The following CYBC1 variants were observed in gnomAD, a reference collection of about 807,000 sequenced individuals.
CYBC1 encodes the protein cytochrome b-245 chaperone 1, also known as essential for reactive oxygen species protein.
In CYBC1, 22 loss-of-function variants were observed where a neutral mutation model predicts 21.7. That is an observed-to-expected ratio of 1.02 (90% CI 0.73 to 1.45). The LOEUF (loss-of-function observed/expected upper bound fraction) is 1.45, where lower values mean the gene tolerates loss of function less well. Ranked by LOEUF, CYBC1 falls within the 40% of genes most tolerant of loss-of-function variation. The pLI is 0.00. For synonymous variants in CYBC1, 112 were observed against 98.7 expected, an observed-to-expected ratio of 1.13 and a Z score of -0.80; for missense variants, 237 against 242.1, an observed-to-expected ratio of 0.98 and a Z score of 0.14.
rs527298762 is a variant in CYBC1 at position 82,449,504 on chromosome 17, G to T, written c.-38-212C>A. 7.9e-4 allele frequency: 320 copies of T among 406,564 alleles called. 1 individual carries two copies. The highest frequency in any genetic ancestry group is 1.2e-3 in the Non-Finnish European group (270 of 230,260). 25.2% of individuals were successfully genotyped at this position (406,564 alleles called of 1,614,324 possible). On this transcript the variant is annotated intron_variant, in intron 1 of 6. Coordinates refer to ENST00000306645, the MANE Select transcript of CYBC1 (RefSeq NM_001033046.4). The stretch of plus-strand genomic sequence containing the variant: ...TCCTGTGTAAGGAAGGCCCTTTTCC[G>T]TTCACAGCGACACCGACTGCGCGGG...
chr17:82,444,160 A>T, intron 6 of CYBC1, 36 bp from the exon 7 acceptor site: 1 of 1,596,770 alleles, frequency 6.3e-7, no homozygotes, highest in Non-Finnish European at 8.5e-7. Flanking sequence ...AGGTCAGGTC[A>T]CCTCGGCATA....
rs549196022 is a variant in CYBC1, at chr17:82,447,081, C to T, written c.128-385G>A. 1.4e-4 allele frequency: 46 copies of T among 331,188 alleles called. 2 individuals carry two copies. In the Admixed American group the frequency reaches 2.0e-3, roughly 14 times the overall value. 20.5% of individuals were successfully genotyped at this position (331,188 alleles called of 1,614,324 possible). ...TTAAGAAGTGAAATGTGGCCGGGCGCAGTGGCTCACGCCTGTAATCCCAGC... is the reference window on the plus strand; with the variant it reads ...TTAAGAAGTGAAATGTGGCCGGGCGTAGTGGCTCACGCCTGTAATCCCAGC... On this transcript the variant is annotated intron_variant, in intron 3 of 6. Coordinates refer to ENST00000306645, the MANE Select transcript of CYBC1 (RefSeq NM_001033046.4).
chr17:82,443,412 G>T lies in CYBC1; in HGVS notation c.*592C>A. The T allele has an allele frequency of 1.8e-6, 1 of 563,150 alleles. No homozygotes were observed. Among genetic ancestry groups the T allele is most frequent in the Non-Finnish European group, 3.3e-6 (1 of 302,890 alleles). 34.9% of individuals were successfully genotyped at this position (563,150 alleles called of 1,614,324 possible). A position where few individuals can be genotyped will look rare whatever the true frequency, so the allele number is the denominator to read the frequency against. ...GAGGGGCAGCTTCCACAGTGTGGCT[G>T]CAGCGTGCACAGCCAGGTAGGCCCT... On this transcript the variant is annotated 3_prime_UTR_variant, in exon 7 of 7. Transcript: ENST00000306645. The surrounding 1 kb of genome is among the most constrained non-coding windows in gnomAD (Gnocchi z 6.7).
chr17:82,446,690 A>G lies in CYBC1; in HGVS notation c.134T>C (p.Leu45Pro), dbSNP rs754581937. 8.1e-6 allele frequency: 13 copies of G among 1,613,856 alleles called. No individual in the cohort carries two copies. The highest frequency in any genetic ancestry group is 1.1e-5 in the South Asian group (1 of 91,088). The change falls in exon 4 of 7, where the codon CTG (leucine) becomes CCG (proline). Residue 45 changes from leucine (L) to proline (P), a missense_variant. Leu to Pro is a moderately conservative substitution (Grantham distance 98). Transcript: ENST00000306645. The stretch of plus-strand genomic sequence containing the variant: ...TGTGACGTAGAAGAGCTTCCAGCCC[A>G]GGCTATCTGGAGATGGGCATAGGGC... ...LAAAYYSGDS[L>P]GWKLFYVTGC...
intron 4 of CYBC1, 118 bp from the exon 5 acceptor site, chr17:82,446,078 TCCCAGTCAGAA>T (rs2054272012): frequency 2.6e-6 from 2 of 771,858 alleles, no homozygotes; most frequent in East Asian, 5.4e-5. Flanking sequence ...CTGGGGACCC[TCCCAGTCAGAA>T]CCCAAACCCC....
At chr17:82,444,147 G>A (rs558781338) in intron 6 of CYBC1, 23 bp from the exon 7 acceptor site, 19 of 1,603,882 alleles carry the variant, frequency 1.2e-5, no homozygotes, top group Non-Finnish European at 1.4e-5. Flanking sequence ...GGCAACGGGA[G>A]GAAGGTCAGG....
chr17:82,443,386 G>A lies in CYBC1; in HGVS notation c.*618C>T, dbSNP rs2054083050. ...ATCAGCAAGGGAGGCGGGTCCTCGGGGAGGGGCAGCTTCCACAGTGTGGCT... is the reference window on the plus strand; with the variant it reads ...ATCAGCAAGGGAGGCGGGTCCTCGGAGAGGGGCAGCTTCCACAGTGTGGCT... On this transcript the variant is annotated 3_prime_UTR_variant, in exon 7 of 7. Coordinates refer to ENST00000306645, the MANE Select transcript of CYBC1 (RefSeq NM_001033046.4). The surrounding 1 kb of genome is among the most constrained non-coding windows in gnomAD (Gnocchi z 6.7). 7.8e-6 allele frequency: 4 copies of A among 511,294 alleles called. No individual in the cohort carries two copies. Among genetic ancestry groups the A allele is most frequent in the Middle Eastern group, 5.2e-4 (1 of 1,932 alleles). The allele number at this position is 511,294 out of a possible 1,614,324, so 31.7% of individuals were successfully genotyped here.
At chr17:82,450,451 G>A (rs546195471) in intron 1 of CYBC1, 5 of 152,324 alleles carry the variant, frequency 3.3e-5, no homozygotes, top group Admixed American at 1.3e-4. Context: ...CACGCGCGCT[G>A]GCAAAGCCGC....
chr17:82,446,054 C>T (rs2054270093), intron 4 of CYBC1, 94 bp from the exon 5 acceptor site: 2 of 964,770 alleles, frequency 2.1e-6, no homozygotes, highest in South Asian at 1.4e-5. Flanking sequence ...AGGGTGGACA[C>T]TCAAGAAGGG....
chr17:82,445,659 T>C, intron 5 of CYBC1: 1 of 533,222 alleles, frequency 1.9e-6, no homozygotes, highest in East Asian at 3.4e-5. Flanking sequence ...CAGGAGGCTC[T>C]AGGACCCTGC....
intron 2 of CYBC1, 34 bp from the exon 3 acceptor site, chr17:82,447,655 C>T: frequency 6.4e-7 from 1 of 1,565,196 alleles, no homozygotes; most frequent in Non-Finnish European, 8.7e-7. Flanking sequence ...GCCTATTGAT[C>T]CCGGTAAGAC....
intron 1 of CYBC1, 125 bp from the exon 2 acceptor site, chr17:82,449,417 T>A: frequency 2.0e-6 from 1 of 497,538 alleles, no homozygotes; most frequent in Admixed American, 4.0e-5. Flanking sequence ...CCAGACACCA[T>A]CAGCCAGTCT....
In CYBC1 at chr17:82,443,907, G is replaced by A. The variant is rs1003435021; in HGVS notation, c.*97C>T. 8.0e-6 allele frequency: 8 copies of A among 999,386 alleles called. No individual in the cohort carries two copies. Among genetic ancestry groups the A allele is most frequent in the Non-Finnish European group, 1.1e-5 (7 of 642,414 alleles). 61.9% of individuals were successfully genotyped at this position (999,386 alleles called of 1,614,324 possible). ...GCACGGGCTCAGGCACACCGGGAAT[G>A]TGCCACGGGTCCTGTGGGCGGTGCA... is the stretch of plus-strand genomic sequence containing the variant. On this transcript the variant is annotated 3_prime_UTR_variant, in exon 7 of 7. Transcript: ENST00000306645. The surrounding 1 kb of genome is among the most constrained non-coding windows in gnomAD (Gnocchi z 6.7).
chr17:82,447,749 G>A (rs1274294044), intron 2 of CYBC1, 128 bp from the exon 3 acceptor site: 9 of 823,238 alleles, frequency 1.1e-5, no homozygotes, highest in Non-Finnish European at 1.6e-5. Flanking sequence ...TGTGGTCAGG[G>A]GTTACAGACC....
chr17:82,446,628 A>T lies in CYBC1; in HGVS notation c.196T>A (p.Trp66Arg). 1 of 1,614,104 alleles carries T rather than the reference A, an allele frequency of 6.2e-7. No individual in the cohort carries two copies. Reference sequence around the variant, plus strand: ...CGCACCCGAGCCGGCCTTACCTCCCAGTCCTCCAAGTTCTGCACAGCCACA... The same window carrying T: ...CGCACCCGAGCCGGCCTTACCTCCCTGTCCTCCAAGTTCTGCACAGCCACA... Reference protein sequence around the residue: ...LFVAVQNLEDWEEAIFDKSTG... With the variant: ...LFVAVQNLEDREEAIFDKSTG... Residue 66 changes from tryptophan to arginine, a missense_variant, in exon 4 of 7, where the codon TGG (tryptophan) becomes AGG (arginine). By Grantham distance (101) the Trp-to-Arg change is moderately radical. Transcript: ENST00000306645.
chr17:82,445,836 C>T, intron 5 of CYBC1, 28 bp downstream of exon 5: 4 of 1,567,586 alleles, frequency 2.6e-6, no homozygotes, highest in Non-Finnish European at 3.5e-6. Context: ...TGGCCGTGTC[C>T]CATGTCCCCA....
chr17:82,448,851 GGGA>G (rs1455900669), intron 2 of CYBC1: 5 of 295,078 alleles, frequency 1.7e-5, no homozygotes, highest in Non-Finnish European at 2.5e-5. Context: ...CTGAGGACCA[GGGA>G]GGAGGAGACA....
Position 82,447,917 on chromosome 17 carries a change from A to C in CYBC1, c.86-296T>G. 4 of 557,314 alleles carry C rather than the reference A, an allele frequency of 7.2e-6. No individual in the cohort carries two copies. In the South Asian group the frequency reaches 8.8e-5, roughly 12 times the overall value. 34.5% of individuals were successfully genotyped at this position (557,314 alleles called of 1,614,324 possible). A position where few individuals can be genotyped will look rare whatever the true frequency, so the allele number is the denominator to read the frequency against. On this transcript the variant is annotated intron_variant, in intron 2 of 6. Transcript: ENST00000306645. ...TGAGACCAGCCTGGGCAACATAACG[A>C]GACCTCATTACTAAAGAAAACAAAA...
chr17:82,444,114 C>T lies in CYBC1; in HGVS notation c.454G>A (p.Ala152Thr), dbSNP rs1158651406. ...AAGCTGGTGATGAGCTTGGCGATGG[C>T]TTCCACATCACTGGGCGAGGCCGGC... is the stretch of plus-strand genomic sequence containing the variant. ...AVMGHRSDVE[A>T]IAKLITSFLE... The change falls in exon 7 of 7, where the codon GCC becomes ACC. Residue 152 changes from alanine (A) to threonine (T), a missense_variant. Ala to Thr is a moderately conservative substitution (Grantham distance 58, BLOSUM62 0). Transcript: ENST00000306645. 6.2e-7 allele frequency: 1 copy of T among 1,611,362 alleles called. No homozygotes were observed. The highest frequency in any genetic ancestry group is 1.3e-5 in the African/African-American group (1 of 74,994).
Sources: gnomAD v4.1 joint callset for allele counts on GRCh38, gnomAD v4.1.1 for gene constraint, Gnocchi (gnomAD v3.1) non-coding constraint, MANE v1.5 for transcripts, NCBI Gene and HGNC (gene_info 2026-07-23, HGNC 2026-07-21) for gene names.